KIAA1217: variants seen among roughly 807,000 people sequenced by gnomAD.
KIAA1217 encodes sickle tail protein homolog.
KIAA1217 carries 88 observed loss-of-function variants against 163.9 expected under a neutral mutation model. The ratio of observed to expected loss-of-function variants is 0.54; its 90% CI spans 0.45 to 0.64. KIAA1217 has a LOEUF of 0.64. Among genes scored for constraint, KIAA1217 ranks in the 30% least tolerant of loss-of-function variants. KIAA1217 has a pLI of 0.00. For missense variants in KIAA1217, 2,372 were observed against 2,475.0 expected (o/e 0.96, Z 0.88); for synonymous variants, 903 against 923.1 (o/e 0.98, Z 0.39).
intron 2 of KIAA1217, among the ~76,000 whole-genome samples, chr10:24,175,223 TTGTA>T (rs1393062469): frequency 2.0e-5 from 3 of 152,292 alleles, no homozygotes; most frequent in East Asian, 3.9e-4. Context: ...TCAAAGTCCA[TTGTA>T]TCATTCATAT....
At position 24,544,271 on chromosome 10, in the gene KIAA1217, T is replaced by G. The variant is rs558472925; in HGVS notation, c.5001T>G (p.Asp1667Glu). Reference sequence around the variant, plus strand: ...GAAAAAACACCTACAGAACATTGGATAGCCTGGAGCAGACCATTAAACAGC... The same window carrying G: ...GAAAAAACACCTACAGAACATTGGAGAGCCTGGAGCAGACCATTAAACAGC... ...EIRKNTYRTLDSLEQTIKQLE... is the reference protein window; with the variant it reads ...EIRKNTYRTLESLEQTIKQLE... The change falls in exon 19 of 21, where the codon GAT (aspartate) becomes GAG (glutamate). Residue 1667 changes from aspartate to glutamate, a missense_variant. By Grantham distance (45) the Asp-to-Glu change is conservative. Coordinates refer to ENST00000376454, the MANE Select transcript of KIAA1217 (RefSeq NM_019590.5). 1.2e-6 allele frequency: 2 copies of G among 1,614,128 alleles called. No homozygotes were observed. Among genetic ancestry groups the G allele is most frequent in the Admixed American group, 3.3e-5 (2 of 60,020 alleles).
At chr10:23,751,488 C>T (rs993487897) in intron 1 of KIAA1217, among the ~76,000 whole-genome samples, 4 of 152,058 alleles carry the variant, frequency 2.6e-5, no homozygotes, top group Non-Finnish European at 5.9e-5. Flanking sequence ...CTAGTTTTTA[C>T]TTCCCTATGT....
chr10:24,218,976 GA>G (rs1023726790), intron 1 of KIAA1217, among the ~76,000 whole-genome samples: 9 of 152,132 alleles, frequency 5.9e-5, no homozygotes, highest in African/African-American at 2.2e-4. Context: ...CCTGTTACCA[GA>G]ATGCAACTGT....
At chr10:23,777,233 T>C (rs1399714300) in intron 1 of KIAA1217, among the ~76,000 whole-genome samples, 1 of 152,214 alleles carries the variant, frequency 6.6e-6, no homozygotes, top group Non-Finnish European at 1.5e-5. Context: ...AGAAACTTAG[T>C]AGGATTACAG....
chr10:23,823,268 G>C (rs1198397190), intron 1 of KIAA1217, among the ~76,000 whole-genome samples: 1 of 152,182 alleles, frequency 6.6e-6, no homozygotes, highest in Admixed American at 6.5e-5. Context: ...CTGAGGTCCT[G>C]CTTCCTTGCC....
At chr10:23,807,458 G>A (rs1362800455) in intron 1 of KIAA1217, among the ~76,000 whole-genome samples, 3 of 152,274 alleles carry the variant, frequency 2.0e-5, no homozygotes, top group Non-Finnish European at 4.4e-5. Flanking sequence ...CATTATGGCT[G>A]TAGTGTGGAG....
At chr10:24,505,887 T>C (rs1486208160) in intron 9 of KIAA1217, among the ~76,000 whole-genome samples, 1 of 152,066 alleles carries the variant, frequency 6.6e-6, no homozygotes, top group Non-Finnish European at 1.5e-5. Context: ...AGATGGCGCC[T>C]CGTGGAAATG....
intron 1 of KIAA1217, among the ~76,000 whole-genome samples, chr10:24,003,665 C>CACAACT (rs1330379882): frequency 1.3e-5 from 2 of 152,128 alleles, no homozygotes; most frequent in African/African-American, 4.8e-5. Flanking sequence ...GGGTGGGTTT[C>CACAACT]ACAACTGCTT....
intron 2 of KIAA1217, among the ~76,000 whole-genome samples, chr10:24,352,045 G>A (rs2048519016): frequency 6.6e-6 from 1 of 152,230 alleles, no homozygotes; most frequent in Admixed American, 6.5e-5. Flanking sequence ...TTTTCTGGCT[G>A]GGCTGTTTTT....
chr10:24,530,419 A>G (rs1360880513), intron 14 of KIAA1217, among the ~76,000 whole-genome samples: 1 of 152,186 alleles, frequency 6.6e-6, no homozygotes, highest in African/African-American at 2.4e-5. Flanking sequence ...TAAAGGTAGC[A>G]TCCGTGACCT....
rs1219079476 is a variant in KIAA1217 at position 24,337,648 on chromosome 10, TTC to T, written c.355-43219_355-43218del. Among the ~76,000 whole-genome samples the T allele has an allele frequency of 1.5e-4, 8 of 52,778 alleles. No individual in the cohort carries two copies. In the African/African-American group the frequency reaches 1.9e-3, roughly 12 times the overall value. The allele number at this position is 52,778 out of a possible 152,430, so 34.6% of individuals were successfully genotyped here. On this transcript the variant is annotated intron_variant, in intron 2 of 20. Coordinates refer to ENST00000376454, the MANE Select transcript of KIAA1217 (RefSeq NM_019590.5). ...TTCTTTTCTTTTCTTTTCTTTTCTT[TTC>T]TTTTTTTTTTTTGAGACGAGTCTCA...
intron 1 of KIAA1217, among the ~76,000 whole-genome samples, chr10:23,736,211 C>T (rs1208155109): frequency 6.6e-6 from 1 of 152,152 alleles, no homozygotes; most frequent in Non-Finnish European, 1.5e-5. Flanking sequence ...TGACATTCTC[C>T]TGTATGTTTA....
intron 1 of KIAA1217, among the ~76,000 whole-genome samples, chr10:23,919,594 A>C (rs1195234696): frequency 6.9e-6 from 1 of 145,210 alleles, no homozygotes; most frequent in Non-Finnish European, 1.5e-5. Flanking sequence ...CGACAAAGCA[A>C]GACTCCTTCT....
chr10:24,112,963 T>C (rs890765097), intron 2 of KIAA1217, among the ~76,000 whole-genome samples: 1 of 151,732 alleles, frequency 6.6e-6, no homozygotes, highest in Admixed American at 6.6e-5. Flanking sequence ...GAGGCAGGGA[T>C]TGGAGTGAGA....
intron 10 of KIAA1217, 46 bp downstream of exon 10, chr10:24,513,480 A>T (rs763987204): frequency 6.3e-7 from 1 of 1,581,134 alleles, no homozygotes. Flanking sequence ...CCTGCAAAGG[A>T]AAATTATCAT....
chr10:24,390,492 G>A (rs530520123), intron 3 of KIAA1217, among the ~76,000 whole-genome samples: 32 of 141,114 alleles, frequency 2.3e-4, no homozygotes, highest in African/African-American at 8.3e-4. Flanking sequence ...AAGGAAGGAA[G>A]GAAGGAAGGA....
chr10:24,478,469 T>A (rs892582171), intron 6 of KIAA1217, among the ~76,000 whole-genome samples: 1 of 152,214 alleles, frequency 6.6e-6, no homozygotes, highest in Non-Finnish European at 1.5e-5. Context: ...ATTCTTGTGA[T>A]GGTAGGGGTC....
chr10:24,239,109 C>T, intron 2 of KIAA1217: 9 of 972,754 alleles, frequency 9.3e-6, no homozygotes, highest in African/African-American at 3.5e-5. Flanking sequence ...TCAAGACAGC[C>T]GATTTAACAA....
At chr10:24,536,420 T>C (rs1294726074) in intron 16 of KIAA1217, among the ~76,000 whole-genome samples, 1 of 152,156 alleles carries the variant, frequency 6.6e-6, no homozygotes, top group Non-Finnish European at 1.5e-5. Flanking sequence ...AGAAAGATAG[T>C]TTTTTGTTTT....
Sources: gnomAD v4.1 joint callset for allele counts (sites outside exome capture counted in the v4.1 genomes callset) on GRCh38, gnomAD v4.1.1 for gene constraint, MANE v1.5 for transcripts, NCBI Gene and HGNC (gene_info 2026-07-23, HGNC 2026-07-21) for gene names.